Variants in MGMT observed in about 807,000 individuals in gnomAD.
MGMT encodes methylated-DNA--protein-cysteine methyltransferase.
Under a neutral mutation model 15.9 loss-of-function variants are expected in MGMT, and 14 were observed. The ratio of observed to expected loss-of-function variants is 0.88; its 90% CI spans 0.58 to 1.37. The LOEUF (loss-of-function observed/expected upper bound fraction) is 1.37, where lower values mean the gene tolerates loss of function less well. Ranked by LOEUF, MGMT falls within the 40% of genes most tolerant of loss-of-function variation. The probability of loss-of-function intolerance (pLI) is 0.00; values close to 1 mark genes in which losing one functional copy is unlikely to be tolerated. For synonymous variants in MGMT, 130 were observed against 118.2 expected (o/e 1.10, Z -0.65); for missense variants, 282 against 268.1 (o/e 1.05, Z -0.36).
chr10:129,761,831 T>C (rs1848877514), intron 4 of MGMT, among the ~76,000 whole-genome samples: 1 of 152,108 alleles, frequency 6.6e-6, no homozygotes, highest in African/African-American at 2.4e-5. Context: ...TTCTGTGGGC[T>C]CCACCGTGTG....
At chr10:129,554,726 A>G (rs1009210482) in intron 2 of MGMT, among the ~76,000 whole-genome samples, 2 of 152,072 alleles carry the variant, frequency 1.3e-5, no homozygotes, top group African/African-American at 4.8e-5. Flanking sequence ...TAAGATAAGA[A>G]AGCATTAGCT....
At chr10:129,753,092 C>T (rs1053712005) in intron 3 of MGMT, among the ~76,000 whole-genome samples, 3 of 152,142 alleles carry the variant, frequency 2.0e-5, no homozygotes, top group South Asian at 2.1e-4. Context: ...TCTTAAACAT[C>T]GGATATAGAA....
At chr10:129,676,479 C>G (rs1172694180) in intron 2 of MGMT, among the ~76,000 whole-genome samples, 2 of 152,208 alleles carry the variant, frequency 1.3e-5, no homozygotes, top group Non-Finnish European at 2.9e-5. Context: ...ATCTCTGCGT[C>G]TCTGCGGCGT....
At chr10:129,584,830 G>A (rs909458532) in intron 2 of MGMT, among the ~76,000 whole-genome samples, 4 of 152,088 alleles carry the variant, frequency 2.6e-5, no homozygotes, top group Non-Finnish European at 5.9e-5. Flanking sequence ...AATTCCCTGC[G>A]GCCAAACAAT....
rs909603948 is a variant in MGMT at position 129,532,929 on chromosome 10, C to A, written c.-12-3312C>A. Reference sequence around the variant, plus strand: ...GCTTCAGGCGCTGATGTGGGCAAACCCTTCCTCTCCCAGGCCGTCCCTTCC... The same window carrying A: ...GCTTCAGGCGCTGATGTGGGCAAACACTTCCTCTCCCAGGCCGTCCCTTCC... On this transcript the variant is annotated intron_variant, in intron 1 of 4. Transcript: ENST00000651593. This position sits in a 1 kb window ranked among gnomAD's most constrained non-coding sequence, Gnocchi z 5.3. Among the ~76,000 whole-genome samples, 5 of 152,254 alleles carry A rather than the reference C, an allele frequency of 3.3e-5. No individual in the cohort carries two copies. Among genetic ancestry groups the A allele is most frequent in the African/African-American group, 1.2e-4 (5 of 41,476 alleles).
At chr10:129,669,145 T>A (rs1340829825) in intron 2 of MGMT, among the ~76,000 whole-genome samples, 1 of 152,208 alleles carries the variant, frequency 6.6e-6, no homozygotes, top group Non-Finnish European at 1.5e-5. Context: ...TATAGGACAC[T>A]AGGTTTCCTG....
At chr10:129,623,066 T>G (rs570967) in intron 2 of MGMT, among the ~76,000 whole-genome samples, 73,295 of 152,116 alleles carry the variant, frequency 0.48, 18,145 homozygotes, top group East Asian at 0.62. Flanking sequence ...AGCTCTCTGG[T>G]TGTCAGATCC....
At chr10:129,527,310 G>A (rs1437176911) in intron 1 of MGMT, among the ~76,000 whole-genome samples, 3 of 152,222 alleles carry the variant, frequency 2.0e-5, no homozygotes, top group Non-Finnish European at 2.9e-5. Context: ...CCCCCCTTAG[G>A]ACCGATGGTT....
At chr10:129,541,223 G>A (rs1335437135) in intron 2 of MGMT, among the ~76,000 whole-genome samples, 2 of 152,238 alleles carry the variant, frequency 1.3e-5, no homozygotes, top group Admixed American at 6.5e-5. Context: ...CCCTAAAAAC[G>A]TGTGAGAAGC....
At chr10:129,540,188 A>G (rs998162688) in intron 2 of MGMT, among the ~76,000 whole-genome samples, 1 of 152,170 alleles carries the variant, frequency 6.6e-6, no homozygotes, top group Non-Finnish European at 1.5e-5. Flanking sequence ...TAACCTTTTA[A>G]TTTATTGCTG....
At position 129,553,484 on chromosome 10, in the gene MGMT, C is replaced by T. The variant is rs192665946; in HGVS notation, c.125+17107C>T. Among the ~76,000 whole-genome samples, 246 of 152,284 alleles carry T rather than the reference C, an allele frequency of 1.6e-3. 1 individual carries two copies. The highest frequency in any genetic ancestry group is 5.6e-3 in the African/African-American group (232 of 41,562). On this transcript the variant is annotated intron_variant, in intron 2 of 4. Transcript: ENST00000651593. ...GCATCTGTTCACCAGCGCATGTGAA[C>T]CTGTGGGCCCGGGGGACACGTGGTC...
chr10:129,620,950 CT>C (rs35230328), intron 2 of MGMT, among the ~76,000 whole-genome samples: 1 of 151,912 alleles, frequency 6.6e-6, no homozygotes, highest in East Asian at 1.9e-4. Flanking sequence ...TTAGTGCTAC[CT>C]TTTTTTAAGT....
chr10:129,582,410 A>G (rs1169496190), intron 2 of MGMT, among the ~76,000 whole-genome samples: 1 of 152,244 alleles, frequency 6.6e-6, no homozygotes, highest in Non-Finnish European at 1.5e-5. Flanking sequence ...GGTGGCTGCC[A>G]GGCATTGAAA....
chr10:129,521,510 C>G (rs10829598), intron 1 of MGMT, among the ~76,000 whole-genome samples: 59,198 of 152,072 alleles, frequency 0.39, 12,746 homozygotes, highest in East Asian at 0.63. Flanking sequence ...GAGAGGGAAC[C>G]TCTGGCAGTC....
At chr10:129,672,699 C>G (rs1589928205) in intron 2 of MGMT, among the ~76,000 whole-genome samples, 1 of 152,022 alleles carries the variant, frequency 6.6e-6, no homozygotes, top group African/African-American at 2.4e-5. Flanking sequence ...GTTGGTGATT[C>G]TTTCCTGAAT....
At chr10:129,475,728 A>C (rs931931682) in intron 1 of MGMT, among the ~76,000 whole-genome samples, 1 of 152,148 alleles carries the variant, frequency 6.6e-6, no homozygotes, top group Non-Finnish European at 1.5e-5. Context: ...GTGGGAAGGG[A>C]GGGGCTTCCC....
At chr10:129,638,444 A>AAAAAAAAAAAAAAAAAAAAAAAAAAAT (rs1847288888) in intron 2 of MGMT, among the ~76,000 whole-genome samples, 1 of 121,132 alleles carries the variant, frequency 8.3e-6, no homozygotes, top group Non-Finnish European at 1.8e-5. Context: ...AAAAAAAAAA[A>AAAAAAAAAAAAAAAAAAAAAAAAAAAT]AGAAAAAAAA....
chr10:129,513,623 A>G (rs1400610653), intron 1 of MGMT, among the ~76,000 whole-genome samples: 6 of 152,154 alleles, frequency 3.9e-5, no homozygotes, highest in African/African-American at 1.4e-4. Flanking sequence ...GGGGACCACC[A>G]AGGCAGTTCT....
At chr10:129,676,500 GGTC>G (rs1278654201) in intron 2 of MGMT, among the ~76,000 whole-genome samples, 1 of 152,202 alleles carries the variant, frequency 6.6e-6, no homozygotes, top group African/African-American at 2.4e-5. Flanking sequence ...ACTCTGCGAG[GGTC>G]CCTGTGGAAG....
Sources: allele counts gnomAD v4.1 joint callset (sites outside exome capture counted in the v4.1 genomes callset), GRCh38; gene constraint gnomAD v4.1.1; non-coding constraint Gnocchi (gnomAD v3.1); transcripts MANE v1.5; gene names NCBI Gene and HGNC (gene_info 2026-07-23, HGNC 2026-07-21).